Variants in BORCS5 observed in about 807,000 individuals in gnomAD.
BORCS5 encodes BLOC-1 related complex subunit 5, also known as BLOC-1-related complex subunit 5.
A neutral mutation model predicts 22.1 loss-of-function variants in BORCS5; 17 were observed. The observed-to-expected ratio is 0.77, with a 90% CI of 0.53 to 1.15. The LOEUF (loss-of-function observed/expected upper bound fraction) is 1.15. Ranked by LOEUF, BORCS5 falls within the 50% of genes most tolerant of loss-of-function variation. The pLI is 0.00. For synonymous variants in BORCS5, 117 were observed against 99.8 expected (o/e 1.17, Z -1.03); for missense variants, 247 against 253.2 (o/e 0.98, Z 0.17).
chr12:12,382,103 C>G (rs906508669), intron 2 of BORCS5, among the ~76,000 whole-genome samples: 1 of 151,254 alleles, frequency 6.6e-6, no homozygotes, highest in Non-Finnish European at 1.5e-5. Context: ...CTTTGAGTTG[C>G]TATAAAGGAA....
chr12:12,359,865 T>G (rs1393011358), intron 1 of BORCS5, among the ~76,000 whole-genome samples: 1 of 152,114 alleles, frequency 6.6e-6, no homozygotes, highest in Admixed American at 6.6e-5. Context: ...GTCTAATTCC[T>G]TTCCTAACTG....
chr12:12,438,370 A>AAAAAAAAC (rs1565915529), intron 3 of BORCS5, among the ~76,000 whole-genome samples: 1 of 128,148 alleles, frequency 7.8e-6, no homozygotes, highest in Non-Finnish European at 1.6e-5. Context: ...CAAAAAAAAA[A>AAAAAAAAC]AAAAAAAAAA....
At chr12:12,431,601 CA>C (rs1942428050) in intron 2 of BORCS5, among the ~76,000 whole-genome samples, 1 of 151,954 alleles carries the variant, frequency 6.6e-6, no homozygotes, top group Non-Finnish European at 1.5e-5. Context: ...GGGGTTTCAC[CA>C]TGTTGGCCAG....
At chr12:12,407,665 T>G (rs536976849) in intron 2 of BORCS5, among the ~76,000 whole-genome samples, 4 of 151,918 alleles carry the variant, frequency 2.6e-5, no homozygotes, top group Admixed American at 6.6e-5. Context: ...TGACAAACAT[T>G]ATTATTCTAC....
In BORCS5 at chr12:12,441,719, AAT is replaced by A. The variant is rs1491263454; in HGVS notation, c.360+5935_360+5936del. Among the ~76,000 whole-genome samples the A allele has an allele frequency of 4.3e-3, 479 of 110,648 alleles. 4 individuals are homozygous for A. The highest frequency in any genetic ancestry group is 0.015 in the African/African-American group (411 of 26,548). The allele number at this position is 110,648 out of a possible 152,430, so 72.6% of individuals were successfully genotyped here. On this transcript the variant is annotated intron_variant, in intron 3 of 3. Transcript: ENST00000314565. ...CTAAATAGAGGCAAGGCAAAAAAAA[AAT>A]TTTTTTTTTTTTAAGCCCACTGTGG...
At chr12:12,441,311 G>A (rs986600865) in intron 3 of BORCS5, among the ~76,000 whole-genome samples, 2 of 152,166 alleles carry the variant, frequency 1.3e-5, no homozygotes, top group African/African-American at 2.4e-5. Flanking sequence ...TTGGCAGAAT[G>A]GTTCTGAGCG....
chr12:12,380,910 G>GT (rs2136043821), intron 2 of BORCS5, among the ~76,000 whole-genome samples: 2 of 150,428 alleles, frequency 1.3e-5, no homozygotes, highest in African/African-American at 4.9e-5. Flanking sequence ...AACTTATATT[G>GT]TATTATAACA....
chr12:12,449,350 G>T (rs192766763), intron 3 of BORCS5, among the ~76,000 whole-genome samples: 3 of 152,370 alleles, frequency 2.0e-5, no homozygotes, highest in Admixed American at 1.3e-4. Context: ...AACGGGAGGA[G>T]TGGGACTTCT....
intron 2 of BORCS5, among the ~76,000 whole-genome samples, chr12:12,374,005 T>TG (rs1863588314): frequency 6.9e-6 from 1 of 145,930 alleles, no homozygotes; most frequent in Admixed American, 6.8e-5. Flanking sequence ...TTTTTTTTTT[T>TG]GAGACGGAGT....
At chr12:12,378,875 C>T (rs554229115) in intron 2 of BORCS5, among the ~76,000 whole-genome samples, 1 of 151,342 alleles carries the variant, frequency 6.6e-6, no homozygotes, top group South Asian at 2.1e-4. Flanking sequence ...GCCTCAGCCT[C>T]CTGAGTAGCT....
At chr12:12,376,509 A>G (rs1016187218) in intron 2 of BORCS5, among the ~76,000 whole-genome samples, 1 of 152,218 alleles carries the variant, frequency 6.6e-6, no homozygotes, top group African/African-American at 2.4e-5. Context: ...CTGGGATTAC[A>G]GGCGTGAGCC....
At position 12,357,183 on chromosome 12, in the gene BORCS5, T is replaced by G. The variant is rs943788745; in HGVS notation, c.-269T>G. On this transcript the variant is annotated 5_prime_UTR_variant, in exon 1 of 4. Coordinates refer to ENST00000314565, the MANE Select transcript of BORCS5 (RefSeq NM_058169.6). ...CAAAGCCAGTGTCATCTGCCGGTTC[T>G]CTTAGGGCTCCCGGAAAGAAGGAGG... The G allele has an allele frequency of 9.9e-6, 15 of 1,517,788 alleles. No homozygotes were observed. The Admixed American group carries it at 3.2e-4, about 32-fold the overall frequency. 94.0% of individuals were successfully genotyped at this position (1,517,788 alleles called of 1,614,324 possible). A position where few individuals can be genotyped will look rare whatever the true frequency, so the allele number is the denominator to read the frequency against.
At chr12:12,458,604 A>C (rs1943041393) in intron 3 of BORCS5, among the ~76,000 whole-genome samples, 2 of 142,138 alleles carry the variant, frequency 1.4e-5, no homozygotes, top group East Asian at 4.1e-4. Flanking sequence ...TTTTTGAGAC[A>C]GTCTCGCTCC....
chr12:12,417,050 C>G (rs1030870712), intron 2 of BORCS5, among the ~76,000 whole-genome samples: 32 of 151,974 alleles, frequency 2.1e-4, no homozygotes, highest in Non-Finnish European at 4.1e-4. Context: ...CTTGGCCTCC[C>G]AAAGTGCTGG....
chr12:12,433,348 A>AAAAAAAAAT (rs35052204), intron 2 of BORCS5, among the ~76,000 whole-genome samples: 2 of 126,124 alleles, frequency 1.6e-5, no homozygotes, highest in Non-Finnish European at 3.4e-5. Context: ...AAAAAAAAAA[A>AAAAAAAAAT]GGAAATCTGC....
At chr12:12,422,896 C>A (rs368710237) in intron 2 of BORCS5, among the ~76,000 whole-genome samples, 1 of 150,026 alleles carries the variant, frequency 6.7e-6, no homozygotes, top group Non-Finnish European at 1.5e-5. Flanking sequence ...AGTCTCTTAA[C>A]GCAGAAAGCC....
intron 3 of BORCS5, among the ~76,000 whole-genome samples, chr12:12,451,409 A>G (rs557582361): frequency 1.3e-5 from 2 of 152,314 alleles, no homozygotes; most frequent in South Asian, 4.2e-4. Context: ...CTTGTGATCC[A>G]TACAAAACAC....
chr12:12,452,590 G>A, intron 3 of BORCS5: 2 of 324,478 alleles, frequency 6.2e-6, no homozygotes, highest in South Asian at 2.5e-5. Context: ...ACTCCCTCCC[G>A]CACGCCGGCA....
rs3803098 is a variant in BORCS5 at position 12,466,192 on chromosome 12, G to A, written c.*416G>A. On this transcript the variant is annotated 3_prime_UTR_variant, in exon 4 of 4. Coordinates refer to ENST00000314565, the MANE Select transcript of BORCS5 (RefSeq NM_058169.6). Reference sequence around the variant, plus strand: ...AACGCCCTCATGAACTTTTCAGTAGGCTGTCTGGTTTATGTGTGGTCAACT... The same window carrying A: ...AACGCCCTCATGAACTTTTCAGTAGACTGTCTGGTTTATGTGTGGTCAACT... 0.063 allele frequency: 10,302 copies of A among 162,270 alleles called. 490 individuals carry two copies. The highest frequency in any genetic ancestry group is 0.2 in the East Asian group (1,089 of 5,434). 10.1% of individuals were successfully genotyped at this position (162,270 alleles called of 1,614,324 possible). A position where few individuals can be genotyped will look rare whatever the true frequency, so the allele number is the denominator to read the frequency against.
Sources: gnomAD v4.1 joint callset for allele counts (sites outside exome capture counted in the v4.1 genomes callset) on GRCh38, gnomAD v4.1.1 for gene constraint, MANE v1.5 for transcripts, NCBI Gene and HGNC (gene_info 2026-07-23, HGNC 2026-07-21) for gene names.